Variants in MAP4K5 observed in about 807,000 individuals in gnomAD.
MAP4K5 encodes mitogen-activated protein kinase kinase kinase kinase 5.
Under a neutral mutation model 135.6 loss-of-function variants are expected in MAP4K5, and 82 were observed. The observed-to-expected ratio is 0.60, with a 90% CI of 0.51 to 0.73. The LOEUF (loss-of-function observed/expected upper bound fraction) is 0.73, where lower values mean the gene tolerates loss of function less well. MAP4K5 is among the 30% of genes least tolerant of loss of function. The pLI, the probability that MAP4K5 is intolerant of heterozygous loss-of-function variation, is 0.00. For synonymous variants in MAP4K5, 347 were observed against 335.0 expected (o/e 1.04, Z -0.39); for missense variants, 907 against 1,010.9 (o/e 0.90, Z 1.39).
intron 3 of MAP4K5, among the ~76,000 whole-genome samples, chr14:50,490,105 C>G (rs1315146035): frequency 8.0e-6 from 1 of 125,148 alleles, no homozygotes; most frequent in Non-Finnish European, 1.6e-5. Flanking sequence ...GAGAGACAGA[C>G]AGAGAGAGAC....
At chr14:50,505,311 T>C (rs1328801408) in intron 2 of MAP4K5, among the ~76,000 whole-genome samples, 2 of 152,270 alleles carry the variant, frequency 1.3e-5, no homozygotes, top group South Asian at 2.1e-4. Context: ...ATGTGCATTA[T>C]GGAAGAAGAT....
intron 22 of MAP4K5, 23 bp from the exon 23 acceptor site, chr14:50,440,096 G>A: frequency 7.6e-7 from 1 of 1,311,320 alleles, no homozygotes; most frequent in Non-Finnish European, 1.1e-6. Context: ...AGATAATTAA[G>A]ATTCTCTCAT....
intron 2 of MAP4K5, among the ~76,000 whole-genome samples, chr14:50,514,585 A>G (rs2037994778): frequency 6.6e-6 from 1 of 152,242 alleles, no homozygotes; most frequent in Non-Finnish European, 1.5e-5. Context: ...ACACAAGTCA[A>G]CATTGGAGGA....
At chr14:50,497,465 T>C (rs937111284) in intron 3 of MAP4K5, among the ~76,000 whole-genome samples, 6 of 152,208 alleles carry the variant, frequency 3.9e-5, no homozygotes, top group African/African-American at 1.2e-4. Flanking sequence ...GGTTTTTGAA[T>C]AGAAAGTCTG....
chr14:50,544,543 C>A (rs978752617), intron 1 of MAP4K5, among the ~76,000 whole-genome samples: 1 of 152,188 alleles, frequency 6.6e-6, no homozygotes, highest in Non-Finnish European at 1.5e-5. Context: ...ACACAAGACA[C>A]AGACATGACT....
intron 1 of MAP4K5, among the ~76,000 whole-genome samples, chr14:50,544,062 A>T (rs2038597854): frequency 6.6e-6 from 1 of 152,238 alleles, no homozygotes; most frequent in Non-Finnish European, 1.5e-5. Context: ...TCCGCAAAGG[A>T]AACAAGGAAG....
At chr14:50,455,342 GATAAA>G (rs1195945222) in intron 14 of MAP4K5, among the ~76,000 whole-genome samples, 3 of 151,890 alleles carry the variant, frequency 2.0e-5, no homozygotes, top group Admixed American at 6.6e-5. Context: ...AGAAAAGATA[GATAAA>G]ATAGACTACA....
intron 1 of MAP4K5, chr14:50,560,320 T>A (rs963578529): frequency 1.5e-5 from 24 of 1,613,376 alleles, no homozygotes; most frequent in Non-Finnish European, 1.9e-5. Context: ...AATGAGAACT[T>A]CTGCAGCCTG....
chr14:50,535,649 T>C (rs1207932493), upstream of MAP4K5, among the ~76,000 whole-genome samples: 1 of 152,238 alleles, frequency 6.6e-6, no homozygotes, highest in Admixed American at 6.5e-5. Context: ...TATAGGGCAA[T>C]TTTTATATAA....
chr14:50,553,239 C>T (rs2047991454), intron 1 of MAP4K5, among the ~76,000 whole-genome samples: 1 of 150,676 alleles, frequency 6.6e-6, no homozygotes, highest in South Asian at 2.1e-4. Flanking sequence ...CCACTGCACT[C>T]CAGCCTGGGT....
At chr14:50,500,958 C>A (rs917561817) in intron 3 of MAP4K5, among the ~76,000 whole-genome samples, 1 of 151,906 alleles carries the variant, frequency 6.6e-6, no homozygotes, top group African/African-American at 2.4e-5. Context: ...TATGACTTAG[C>A]CTATTGATAG....
chr14:50,447,682 T>C (rs748014551), intron 15 of MAP4K5, among the ~76,000 whole-genome samples: 33 of 152,326 alleles, frequency 2.2e-4, no homozygotes, highest in Non-Finnish European at 4.0e-4. Context: ...ACTTAAGAAA[T>C]TCCATAAACA....
intron 2 of MAP4K5, among the ~76,000 whole-genome samples, chr14:50,531,396 A>G (rs899395986): frequency 1.3e-5 from 2 of 152,248 alleles, no homozygotes; most frequent in Admixed American, 1.3e-4. Context: ...CCAAAAACAA[A>G]CGATCAAACT....
intron 13 of MAP4K5, 21 bp from the exon 14 acceptor site, chr14:50,456,615 T>C (rs2036600128): frequency 1.4e-6 from 2 of 1,430,628 alleles, no homozygotes; most frequent in East Asian, 2.6e-5. Context: ...AAGCATAATA[T>C]ATATACTTTA....
At chr14:50,542,433 A>C (rs1164700506) in intron 2 of MAP4K5, 1 of 152,188 alleles carries the variant, frequency 6.6e-6, no homozygotes, top group African/African-American at 2.4e-5. Flanking sequence ...CACATTCTGT[A>C]CAGGTATCCC....
chr14:50,444,223 T>A (rs1302741017), intron 18 of MAP4K5, among the ~76,000 whole-genome samples, 187 bp from the exon 19 acceptor site: 1 of 152,186 alleles, frequency 6.6e-6, no homozygotes, highest in Non-Finnish European at 1.5e-5. Context: ...ATTGCATCTT[T>A]AGCAGTGGTC....
At position 50,425,969 on chromosome 14, in the gene MAP4K5, G is replaced by A; in HGVS notation, c.2335C>T (p.Gln779Ter). Residue 779 changes from glutamine (Q) to a stop codon, truncating the protein, a stop_gained, in exon 31 of 33, where the codon CAA becomes TAA. Coordinates refer to ENST00000682126, the MANE Select transcript of MAP4K5 (RefSeq NM_006575.6). LOFTEE classifies it high-confidence loss of function. ...TTCCAGAAAGCCAACACACTGTCTT[G>A]AAGGCATACTAAAAATGATAAGGGA... ...DFRIESVVCL[Q>*]DSVLAFWKHG... 6.2e-7 allele frequency: 1 copy of A among 1,607,080 alleles called. No homozygotes were observed. Among genetic ancestry groups the A allele is most frequent in the Non-Finnish European group, 8.5e-7 (1 of 1,174,490 alleles).
chr14:50,430,465 T>C (rs2035944711), intron 28 of MAP4K5, among the ~76,000 whole-genome samples: 1 of 152,168 alleles, frequency 6.6e-6, no homozygotes, highest in Admixed American at 6.5e-5. Flanking sequence ...GACGCATTCA[T>C]TGTATGACTT....
chr14:50,486,203 C>T lies in MAP4K5; in HGVS notation c.167-9G>A. ...CAAAGAAAAATCATCTCCTGGAAAA[C>T]AAAATAAGTTGTTTATCATGTTACT... On this transcript the variant is annotated splice_polypyrimidine_tract_variant and intron_variant, in intron 3 of 32. Transcript: ENST00000682126. 1.1e-6 allele frequency: 1 copy of T among 940,972 alleles called. No individual in the cohort carries two copies. The highest frequency in any genetic ancestry group is 1.6e-5 in the South Asian group (1 of 62,656). The allele number at this position is 940,972 out of a possible 1,614,324, so 58.3% of individuals were successfully genotyped here. A position where few individuals can be genotyped will look rare whatever the true frequency, so the allele number is the denominator to read the frequency against.
Sources: allele counts gnomAD v4.1 joint callset (sites outside exome capture counted in the v4.1 genomes callset), GRCh38; gene constraint gnomAD v4.1.1; transcripts MANE v1.5; gene names NCBI Gene and HGNC (gene_info 2026-07-23, HGNC 2026-07-21).